Variants in EPHA7 observed in about 807,000 individuals in gnomAD.
EPHA7 encodes the protein ephrin type-A receptor 7.
In EPHA7, 25 loss-of-function variants were observed where a neutral mutation model predicts 112.6. That is an observed-to-expected ratio of 0.22 (90% CI 0.16 to 0.31). EPHA7 has a LOEUF of 0.31. Among genes scored for constraint, EPHA7 ranks in the 10% least tolerant of loss-of-function variants. The pLI is 1.00. For missense variants in EPHA7, 962 were observed against 1,212.6 expected (o/e 0.79, Z 3.07); for synonymous variants, 437 against 406.5 (o/e 1.07, Z -0.90).
In EPHA7 at chr6:93,411,119, G is replaced by T; in HGVS notation, c.214C>A (p.Gln72Lys). 1 of 1,613,668 alleles carries T rather than the reference G, an allele frequency of 6.2e-7. No homozygotes were observed. Among genetic ancestry groups the T allele is most frequent in the Non-Finnish European group, 8.5e-7 (1 of 1,179,902 alleles). Residue 72 changes from glutamine (Q) to lysine (K), a missense_variant, in exon 3 of 17, where the codon CAG (glutamine) becomes AAG (lysine). Physicochemically the swap from Gln to Lys is moderately conservative, Grantham distance 53. Coordinates refer to ENST00000369303, the MANE Select transcript of EPHA7 (RefSeq NM_004440.4). ...TTGGGCTCCATGACTTGGCACACCT[G>T]GTATGTTCGTATCGGGGTATAGTTC... ...DENYTPIRTY[Q>K]VCQVMEPNQN...
At chr6:93,274,470 G>T (rs1771375089) in intron 5 of EPHA7, among the ~76,000 whole-genome samples, 1 of 151,666 alleles carries the variant, frequency 6.6e-6, no homozygotes, top group African/African-American at 2.4e-5. Context: ...TAGCAATTGG[G>T]AACTGAAAAA....
chr6:93,345,889 T>C (rs570596050), intron 5 of EPHA7, among the ~76,000 whole-genome samples: 26 of 151,754 alleles, frequency 1.7e-4, no homozygotes, highest in African/African-American at 5.5e-4. Flanking sequence ...ACCAGATTGC[T>C]TGTCTGGATC....
At chr6:93,245,673 C>T (rs182795817) in intron 15 of EPHA7, among the ~76,000 whole-genome samples, 5 of 152,316 alleles carry the variant, frequency 3.3e-5, no homozygotes, top group Admixed American at 3.3e-4. Flanking sequence ...GATGACCACC[C>T]AGTTTTGTCT....
chr6:93,284,315 C>T (rs1335575833), intron 5 of EPHA7, among the ~76,000 whole-genome samples: 1 of 146,534 alleles, frequency 6.8e-6, no homozygotes, highest in Non-Finnish European at 1.5e-5. Context: ...TGGCTTTGCT[C>T]ATTTATTTTT....
intron 3 of EPHA7, among the ~76,000 whole-genome samples, chr6:93,406,426 A>G (rs1236040082): frequency 6.6e-6 from 1 of 151,854 alleles, no homozygotes; most frequent in Admixed American, 6.6e-5. Flanking sequence ...TGGTCACCCT[A>G]CATAGAATAA....
At chr6:93,357,122 A>C (rs573726202) in intron 4 of EPHA7, 70 bp from the exon 5 acceptor site, 1 of 1,268,590 alleles carries the variant, frequency 7.9e-7, no homozygotes, top group Non-Finnish European at 1.1e-6. Context: ...AAAAAGAACA[A>C]AAGGATCTGT....
chr6:93,243,693 T>A (rs550571816), intron 16 of EPHA7, among the ~76,000 whole-genome samples, 153 bp from the exon 17 acceptor site: 1 of 152,244 alleles, frequency 6.6e-6, no homozygotes, highest in East Asian at 1.9e-4. Flanking sequence ...CTGCAGCAGA[T>A]CAGAATTGTA....
At chr6:93,341,597 A>G (rs1332302135) in intron 5 of EPHA7, among the ~76,000 whole-genome samples, 2 of 151,878 alleles carry the variant, frequency 1.3e-5, no homozygotes, top group Non-Finnish European at 1.5e-5. Context: ...AAATGTTTCT[A>G]ATTTTATCTA....
chr6:93,338,770 A>C (rs1321278012), intron 5 of EPHA7, among the ~76,000 whole-genome samples: 2 of 151,638 alleles, frequency 1.3e-5, no homozygotes, highest in African/African-American at 2.4e-5. Context: ...ATTGTCTTCC[A>C]AAGTTATACT....
chr6:93,325,048 G>A (rs547208101), intron 5 of EPHA7, among the ~76,000 whole-genome samples: 1 of 151,416 alleles, frequency 6.6e-6, no homozygotes, highest in East Asian at 1.9e-4. Flanking sequence ...TAAAAAATGA[G>A]AGTGTATGGG....
intron 3 of EPHA7, among the ~76,000 whole-genome samples, chr6:93,386,101 A>G (rs946309113): frequency 6.6e-6 from 1 of 152,042 alleles, no homozygotes; most frequent in Non-Finnish European, 1.5e-5. Context: ...CACCCTGGGC[A>G]CCTCCCAAAT....
intron 3 of EPHA7, among the ~76,000 whole-genome samples, chr6:93,384,432 G>A (rs1777498163): frequency 6.6e-6 from 1 of 151,962 alleles, no homozygotes; most frequent in South Asian, 2.1e-4. Flanking sequence ...AAGAATTCTT[G>A]GCCATTGTTC....
Position 93,345,519 on chromosome 6 carries a change from G to A in EPHA7, c.1324+11198C>T, listed in dbSNP as rs534104381. Among the ~76,000 whole-genome samples the A allele has an allele frequency of 1.5e-4, 23 of 151,724 alleles. 1 individual carries two copies. The South Asian group carries it at 4.1e-3, about 27-fold the overall frequency. On this transcript the variant is annotated intron_variant, in intron 5 of 16. Coordinates refer to ENST00000369303, the MANE Select transcript of EPHA7 (RefSeq NM_004440.4). Reference sequence around the variant, plus strand: ...CTTGTCCCTGACTAATTTTGTTAAGGCTGCAGCAATTATCTCTCCCTTTGT... The same window carrying A: ...CTTGTCCCTGACTAATTTTGTTAAGACTGCAGCAATTATCTCTCCCTTTGT...
At chr6:93,392,186 G>GT (rs571463077) in intron 3 of EPHA7, among the ~76,000 whole-genome samples, 60 of 151,890 alleles carry the variant, frequency 4.0e-4, no homozygotes, top group Non-Finnish European at 8.0e-4. Flanking sequence ...CAATGTACAC[G>GT]TAACTCCAGA....
intron 5 of EPHA7, among the ~76,000 whole-genome samples, chr6:93,315,546 C>A (rs539618250): frequency 6.6e-6 from 1 of 152,122 alleles, no homozygotes; most frequent in Non-Finnish European, 1.5e-5. Flanking sequence ...CTGATTTCAG[C>A]TGTTATCTCT....
intron 4 of EPHA7, 145 bp downstream of exon 4, chr6:93,358,111 T>A: frequency 1.7e-6 from 1 of 583,808 alleles, no homozygotes; most frequent in Non-Finnish European, 2.4e-6. Context: ...TGAAAGAAAA[T>A]TTTATCTTAA....
intron 5 of EPHA7, among the ~76,000 whole-genome samples, chr6:93,283,942 CATAAAATATAA>C (rs1488950275): frequency 1.1e-4 from 16 of 152,242 alleles, no homozygotes; most frequent in African/African-American, 3.8e-4. Flanking sequence ...CACTATATTA[CATAAAATATAA>C]TTGAAGGTAT....
At chr6:93,406,309 A>T (rs571865457) in intron 3 of EPHA7, among the ~76,000 whole-genome samples, 200 of 151,894 alleles carry the variant, frequency 1.3e-3, no homozygotes, top group African/African-American at 4.7e-3. Flanking sequence ...AAATGAGAAG[A>T]ATTTTTTACA....
At chr6:93,297,059 T>C (rs1039656068) in intron 5 of EPHA7, among the ~76,000 whole-genome samples, 7 of 151,690 alleles carry the variant, frequency 4.6e-5, no homozygotes, top group African/African-American at 1.4e-4. Context: ...TCATGTTGTA[T>C]AACTTAAATA....
Sources: gnomAD v4.1 joint callset for allele counts (sites outside exome capture counted in the v4.1 genomes callset) on GRCh38, gnomAD v4.1.1 for gene constraint, MANE v1.5 for transcripts, NCBI Gene and HGNC (gene_info 2026-07-23, HGNC 2026-07-21) for gene names.